The following NT5DC3 variants were observed in gnomAD, a reference collection of about 807,000 sequenced individuals.
NT5DC3 encodes 5'-nucleotidase domain-containing protein 3.
Under a neutral mutation model 67.8 loss-of-function variants are expected in NT5DC3, and 42 were observed. The ratio of observed to expected loss-of-function variants is 0.62; its 90% CI spans 0.48 to 0.80. The LOEUF (loss-of-function observed/expected upper bound fraction) is 0.80, where lower values mean the gene tolerates loss of function less well. Among genes scored for constraint, NT5DC3 ranks in the 30% least tolerant of loss-of-function variants. NT5DC3 has a pLI of 0.00. For synonymous variants in NT5DC3, 237 were observed against 255.6 expected, an observed-to-expected ratio of 0.93 and a Z score of 0.69; for missense variants, 570 against 696.4, an observed-to-expected ratio of 0.82 and a Z score of 2.04.
chr12:103,768,292 TG>T (rs1462054909), downstream of NT5DC3, among the ~76,000 whole-genome samples: 1 of 143,726 alleles, frequency 7.0e-6, no homozygotes, highest in Non-Finnish European at 1.5e-5. Context: ...AAAATTAGCC[TG>T]GCGTGGTGGT....
At chr12:103,746,436 C>T in the NT5DC3 span, 1 of 641,900 alleles carries the variant, frequency 1.6e-6, no homozygotes, top group East Asian at 2.6e-5. Flanking sequence ...CCAGAATCTC[C>T]AAGGCTAGAA....
rs1335819202 is a variant in NT5DC3 at position 103,841,143 on chromosome 12, G to A, written c.14C>T (p.Ala5Val). The A allele has an allele frequency of 1.0e-5, 8 of 794,534 alleles. No homozygotes were observed. The highest frequency in any genetic ancestry group is 5.3e-5 in the South Asian group (2 of 37,638). 49.2% of individuals were successfully genotyped at this position (794,534 alleles called of 1,614,324 possible). A position where few individuals can be genotyped will look rare whatever the true frequency, so the allele number is the denominator to read the frequency against. ...GGCCCCGCGTGCCACCACCGCCGCC[G>A]CTGCCATGGTCATGCCTGCTGCCTG... MTMAAAAVVARGAGA... is the reference protein window; with the variant it reads MTMAVAAVVARGAGA... The change falls in exon 1 of 14, where the codon GCG becomes GTG. Residue 5 changes from alanine to valine, a missense_variant. Transcript: ENST00000392876.
At chr12:103,766,515 C>G (rs756109254), downstream of NT5DC3, 9 of 649,262 alleles carry the variant, frequency 1.4e-5, no homozygotes, top group Non-Finnish European at 2.3e-5. Flanking sequence ...GCTGTGCCCA[C>G]CCAGTACAGC....
chr12:103,757,952 T>C, the NT5DC3 span: 1 of 610,580 alleles, frequency 1.6e-6, no homozygotes, highest in Non-Finnish European at 2.8e-6. Context: ...GGATGGGCTG[T>C]GACGTGGCTG....
chr12:103,836,256 C>G (rs756941143), intron 1 of NT5DC3, among the ~76,000 whole-genome samples: 46 of 152,214 alleles, frequency 3.0e-4, no homozygotes, highest in Non-Finnish European at 4.7e-4. Context: ...AGTCTTAACT[C>G]ATTTCAGCAC....
At chr12:103,835,287 G>C (rs1316519651) in intron 1 of NT5DC3, among the ~76,000 whole-genome samples, 1 of 152,092 alleles carries the variant, frequency 6.6e-6, no homozygotes, top group Non-Finnish European at 1.5e-5. Flanking sequence ...GTGCAGTTCT[G>C]GACAAGACAA....
At chr12:103,755,478 C>A in the NT5DC3 span, 1 of 1,612,822 alleles carries the variant, frequency 6.2e-7, no homozygotes, top group South Asian at 1.1e-5. Flanking sequence ...GTAACCGCCC[C>A]AGCTACACTT....
At chr12:103,815,552 G>C (rs890849136) in intron 1 of NT5DC3, among the ~76,000 whole-genome samples, 5 of 152,022 alleles carry the variant, frequency 3.3e-5, no homozygotes, top group African/African-American at 1.2e-4. Context: ...TTCCTGAGTT[G>C]CTGGGACTAC....
intron 1 of NT5DC3, among the ~76,000 whole-genome samples, chr12:103,836,776 C>T (rs934668589): frequency 2.6e-5 from 4 of 152,148 alleles, no homozygotes; most frequent in Non-Finnish European, 4.4e-5. Context: ...GCTCTTGGGC[C>T]GCTTCGCTCC....
At chr12:103,746,957 T>C in the NT5DC3 span, among the ~76,000 whole-genome samples, 951 of 148,906 alleles carry the variant, frequency 6.4e-3, 11 homozygotes, top group African/African-American at 0.022. Flanking sequence ...TTCTTTTTTT[T>C]TTTTTTTTTT....
At chr12:103,797,490 A>C (rs1021474769) in intron 5 of NT5DC3, among the ~76,000 whole-genome samples, 65 of 151,834 alleles carry the variant, frequency 4.3e-4, no homozygotes, top group Non-Finnish European at 7.5e-4. Context: ...AAAAAAAAGT[A>C]AAATGTTCCC....
intron 1 of NT5DC3, among the ~76,000 whole-genome samples, chr12:103,837,117 G>A (rs73175816): frequency 0.13 from 19,036 of 152,190 alleles, 1,396 homozygotes; most frequent in Middle Eastern, 0.28. Context: ...TCTTGACTTC[G>A]GTGCACCCGT....
At chr12:103,815,247 GA>G in intron 1 of NT5DC3, 126 bp from the exon 2 acceptor site, 1 of 607,012 alleles carries the variant, frequency 1.6e-6, no homozygotes, top group Non-Finnish European at 2.7e-6. Context: ...ATATGCTGGT[GA>G]AGGAAGCCAG....
intron 13 of NT5DC3, among the ~76,000 whole-genome samples, chr12:103,778,399 C>T (rs1460952343): frequency 3.9e-5 from 6 of 152,056 alleles, no homozygotes; most frequent in Admixed American, 1.3e-4. Flanking sequence ...GGCGTGGTGG[C>T]GCACACCTGT....
intron 5 of NT5DC3, among the ~76,000 whole-genome samples, chr12:103,797,421 G>A (rs1886367209): frequency 6.6e-6 from 1 of 151,040 alleles, no homozygotes; most frequent in Admixed American, 6.6e-5. Context: ...AATGAGCGGA[G>A]ATGGCGCCAC....
At chr12:103,804,790 G>A (rs915380101) in intron 4 of NT5DC3, among the ~76,000 whole-genome samples, 10 of 152,202 alleles carry the variant, frequency 6.6e-5, no homozygotes, top group Admixed American at 2.6e-4. Flanking sequence ...AGTGGCTCAC[G>A]CCTATAATCC....
Position 103,796,841 on chromosome 12 carries a change from A to G in NT5DC3, c.753+53T>C, listed in dbSNP as rs1408933693. 3 of 1,603,136 alleles carry G rather than the reference A, an allele frequency of 1.9e-6. No homozygotes were observed. The African/African-American group carries it at 4.0e-5, about 21-fold the overall frequency. ...GGAGGTTCAAGACTCTGTGACTCCC[A>G]CTGAAAAGGCTGAAACAGACTCAGC... On this transcript the variant is annotated intron_variant, in intron 6 of 13. Coordinates refer to ENST00000392876, the MANE Select transcript of NT5DC3 (RefSeq NM_001031701.3).
chr12:103,823,040 A>G (rs1356794206), intron 1 of NT5DC3, among the ~76,000 whole-genome samples: 1 of 152,164 alleles, frequency 6.6e-6, no homozygotes, highest in Non-Finnish European at 1.5e-5. Context: ...GTTCAATTGT[A>G]TTGATAAAGT....
rs555595495 is a variant in NT5DC3, at chr12:103,824,194, C to G, written c.209-9073G>C. 9.2e-5 allele frequency among the ~76,000 whole-genome samples: 14 copies of G among 152,314 alleles called. 1 individual carries two copies. The highest frequency in any genetic ancestry group is 2.0e-4 in the Admixed American group (3 of 15,302). Reference sequence around the variant, plus strand: ...GGAAACAGTTGAATAGAAAGTGTGACTTTGAAGGCCAAGGTTGAGATGACA... The same window carrying G: ...GGAAACAGTTGAATAGAAAGTGTGAGTTTGAAGGCCAAGGTTGAGATGACA... On this transcript the variant is annotated intron_variant, in intron 1 of 13. Transcript: ENST00000392876.
Sources: gnomAD v4.1 joint callset for allele counts (sites outside exome capture counted in the v4.1 genomes callset) on GRCh38, gnomAD v4.1.1 for gene constraint, MANE v1.5 for transcripts, NCBI Gene and HGNC (gene_info 2026-07-23, HGNC 2026-07-21) for gene names.